Variants in ADAMTS12 observed in about 807,000 individuals in gnomAD.
The protein encoded by ADAMTS12 is ADAM metallopeptidase with thrombospondin type 1 motif 12, also known as A disintegrin and metalloproteinase with thrombospondin motifs 12.
ADAMTS12 carries 118 observed loss-of-function variants against 167.8 expected under a neutral mutation model. The observed-to-expected ratio is 0.70, with a 90% CI of 0.61 to 0.82. The LOEUF is 0.82. Among genes scored for constraint, ADAMTS12 ranks in the 40% least tolerant of loss-of-function variants. ADAMTS12 has a pLI of 0.00. For missense variants in ADAMTS12, 1,916 were observed against 1,998.8 expected (o/e 0.96, Z 0.79); for synonymous variants, 704 against 716.9 (o/e 0.98, Z 0.29).
intron 16 of ADAMTS12, among the ~76,000 whole-genome samples, chr5:33,607,979 G>C (rs1483616323): frequency 1.3e-5 from 2 of 152,180 alleles, no homozygotes; most frequent in African/African-American, 2.4e-5. Context: ...AACAGAATAG[G>C]AGCTGGGAAA....
intron 23 of ADAMTS12, among the ~76,000 whole-genome samples, chr5:33,533,541 G>C (rs1018690863): frequency 2.0e-5 from 3 of 152,152 alleles, no homozygotes; most frequent in Admixed American, 6.5e-5. Flanking sequence ...ACCATGTTTT[G>C]AGAAGCAAGA....
chr5:33,697,641 T>A (rs1409193671), intron 3 of ADAMTS12, among the ~76,000 whole-genome samples: 4 of 152,212 alleles, frequency 2.6e-5, no homozygotes, highest in African/African-American at 9.6e-5. Flanking sequence ...GCATTATCAG[T>A]ACCAGCTCAC....
intron 2 of ADAMTS12, among the ~76,000 whole-genome samples, chr5:33,752,073 T>C (rs35355167): frequency 0.11 from 17,008 of 152,262 alleles, 1,178 homozygotes; most frequent in Non-Finnish European, 0.15. Flanking sequence ...GTCCTTGATC[T>C]GAGACTGAGT....
chr5:33,883,327 GTTTTTTT>G (rs79064946), intron 1 of ADAMTS12, among the ~76,000 whole-genome samples: 1 of 111,606 alleles, frequency 9.0e-6, no homozygotes, highest in African/African-American at 3.3e-5. Context: ...TTTTTTTTTT[GTTTTTTT>G]TTTTTTTGTT....
intron 3 of ADAMTS12, among the ~76,000 whole-genome samples, chr5:33,707,365 T>C (rs1040317368): frequency 2.0e-5 from 3 of 152,116 alleles, no homozygotes; most frequent in African/African-American, 7.2e-5. Context: ...ATTGTAAAAA[T>C]GGCCATACTG....
intron 2 of ADAMTS12, among the ~76,000 whole-genome samples, chr5:33,760,587 A>G (rs892372945): frequency 1.3e-5 from 2 of 152,190 alleles, no homozygotes; most frequent in Admixed American, 6.5e-5. Context: ...TAGGAAAGGA[A>G]TTTTCATTAC....
intron 18 of ADAMTS12, among the ~76,000 whole-genome samples, chr5:33,587,658 C>G (rs1747423291): frequency 1.3e-5 from 2 of 152,178 alleles, no homozygotes; most frequent in Admixed American, 1.3e-4. Context: ...CATCATGTTG[C>G]TTGGGCTGGT....
chr5:33,721,523 T>C (rs1743806398), intron 3 of ADAMTS12, among the ~76,000 whole-genome samples: 1 of 152,168 alleles, frequency 6.6e-6, no homozygotes. Context: ...TCTCTCAGTA[T>C]GGGAGGGTCC....
intron 22 of ADAMTS12, among the ~76,000 whole-genome samples, chr5:33,545,745 G>T (rs558001452): frequency 6.6e-5 from 10 of 150,384 alleles, no homozygotes; most frequent in African/African-American, 2.2e-4. Flanking sequence ...ATCATTCTCA[G>T]CAAACTATCG....
At chr5:33,680,162 A>G (rs979960237) in intron 5 of ADAMTS12, among the ~76,000 whole-genome samples, 1 of 152,226 alleles carries the variant, frequency 6.6e-6, no homozygotes, top group Non-Finnish European at 1.5e-5. Context: ...GTAGAGAGCC[A>G]TGGCTTCCTG....
intron 2 of ADAMTS12, among the ~76,000 whole-genome samples, chr5:33,833,299 G>A (rs1318194141): frequency 6.6e-6 from 1 of 152,200 alleles, no homozygotes; most frequent in African/African-American, 2.4e-5. Context: ...TTAAGCTCAA[G>A]GGACCAAGCT....
chr5:33,623,339 T>G (rs1739422161), intron 14 of ADAMTS12, among the ~76,000 whole-genome samples: 1 of 152,190 alleles, frequency 6.6e-6, no homozygotes, highest in South Asian at 2.1e-4. Context: ...CAGTCCGATC[T>G]CCCTAGAGTA....
intron 3 of ADAMTS12, among the ~76,000 whole-genome samples, chr5:33,742,992 G>A (rs751467063): frequency 2.5e-4 from 38 of 152,208 alleles, no homozygotes; most frequent in Non-Finnish European, 4.4e-4. Context: ...ACAAAGTGAC[G>A]GAGGAAAAGC....
At chr5:33,791,273 T>A (rs901976430) in intron 2 of ADAMTS12, among the ~76,000 whole-genome samples, 1 of 152,232 alleles carries the variant, frequency 6.6e-6, no homozygotes. Flanking sequence ...TATGAGGTAC[T>A]GGGAATTTTG....
intron 16 of ADAMTS12, among the ~76,000 whole-genome samples, chr5:33,601,981 T>A (rs1738210927): frequency 1.3e-5 from 2 of 150,236 alleles, no homozygotes; most frequent in South Asian, 2.2e-4. Context: ...CCTGCCTGAT[T>A]ATGACTCCCT....
rs956153494 is a variant in ADAMTS12 at position 33,652,151 on chromosome 5, G to A, written c.1191-2454C>T. On this transcript the variant is annotated intron_variant, in intron 7 of 23. Coordinates refer to ENST00000504830, the MANE Select transcript of ADAMTS12 (RefSeq NM_030955.4). ...CCTTTGGGTACCTAACCAGTAGTGG[G>A]ATTGCTGGGTCGAATGATAGCTCTA... Among the ~76,000 whole-genome samples, 5 of 152,270 alleles carry A rather than the reference G, an allele frequency of 3.3e-5. No homozygotes were observed. In the East Asian group the frequency reaches 9.6e-4, roughly 29 times the overall value.
At chr5:33,590,253 T>C (rs1171817728) in intron 17 of ADAMTS12, among the ~76,000 whole-genome samples, 1 of 152,234 alleles carries the variant, frequency 6.6e-6, no homozygotes, top group Non-Finnish European at 1.5e-5. Context: ...ATAATAGACG[T>C]TCTTGTTTTC....
intron 13 of ADAMTS12, among the ~76,000 whole-genome samples, chr5:33,625,913 G>T (rs148153180): frequency 1.3e-5 from 2 of 152,310 alleles, no homozygotes; most frequent in East Asian, 3.9e-4. Context: ...CAGGGGAAAA[G>T]AAACAAACCT....
At chr5:33,723,049 G>A (rs190990501) in intron 3 of ADAMTS12, among the ~76,000 whole-genome samples, 7 of 152,306 alleles carry the variant, frequency 4.6e-5, no homozygotes, top group African/African-American at 1.2e-4. Flanking sequence ...GCAGGACAGT[G>A]CTGTGGCCCT....
Sources: gnomAD v4.1 joint callset for allele counts (sites outside exome capture counted in the v4.1 genomes callset) on GRCh38, gnomAD v4.1.1 for gene constraint, MANE v1.5 for transcripts, NCBI Gene and HGNC (gene_info 2026-07-23, HGNC 2026-07-21) for gene names.